Variants in FRMD4A observed in about 807,000 individuals in gnomAD.
FRMD4A encodes the protein FERM domain-containing protein 4A.
In FRMD4A, 29 loss-of-function variants were observed where a neutral mutation model predicts 129.1. The ratio of observed to expected loss-of-function variants is 0.22; its 90% confidence interval spans 0.17 to 0.31. The LOEUF (loss-of-function observed/expected upper bound fraction) is 0.31. FRMD4A is among the 10% of genes least tolerant of loss of function. FRMD4A has a pLI of 1.00. For missense variants in FRMD4A, 1,272 were observed against 1,375.8 expected (o/e 0.92, Z 1.19); for synonymous variants, 634 against 571.6 (o/e 1.11, Z -1.56).
intron 2 of FRMD4A, among the ~76,000 whole-genome samples, chr10:14,298,383 G>C (rs568223001): frequency 1.1e-4 from 17 of 152,188 alleles, no homozygotes; most frequent in Admixed American, 1.1e-3. Flanking sequence ...TTCTCCACTG[G>C]AAGAAAAGCA....
intron 2 of FRMD4A, among the ~76,000 whole-genome samples, chr10:14,064,721 G>T (rs1036100976): frequency 6.6e-6 from 1 of 152,052 alleles, no homozygotes; most frequent in Non-Finnish European, 1.5e-5. Flanking sequence ...GGGACTACAG[G>T]TGCTCACCAT....
chr10:14,002,629 A>T (rs2095646600), intron 2 of FRMD4A, among the ~76,000 whole-genome samples: 1 of 152,202 alleles, frequency 6.6e-6, no homozygotes, highest in South Asian at 2.1e-4. Context: ...CCTGTCCTCA[A>T]GATGCCTGCC....
At chr10:13,882,803 TTGG>T (rs1316682392) in intron 2 of FRMD4A, among the ~76,000 whole-genome samples, 216 of 13,998 alleles carry the variant, frequency 0.015, 1 homozygote, top group South Asian at 0.032. Flanking sequence ...GTATAATTTT[TTGG>T]TTTTTTTTTT....
At chr10:13,688,507 C>T (rs886702988) in intron 15 of FRMD4A, among the ~76,000 whole-genome samples, 1 of 151,900 alleles carries the variant, frequency 6.6e-6, no homozygotes, top group African/African-American at 2.4e-5. Context: ...AACAAACCTG[C>T]ACCTTGTGCA....
chr10:14,087,669 G>T (rs1836370177), intron 2 of FRMD4A: 1 of 152,112 alleles, frequency 6.6e-6, no homozygotes, highest in South Asian at 2.1e-4. Flanking sequence ...ACAAACATCA[G>T]CCCTGACACA....
intron 2 of FRMD4A, among the ~76,000 whole-genome samples, chr10:14,006,870 T>C (rs1377610082): frequency 6.6e-6 from 1 of 152,170 alleles, no homozygotes; most frequent in East Asian, 1.9e-4. Context: ...GTTGATGATC[T>C]TGACATTCAG....
chr10:14,201,691 T>C (rs1842640707), intron 2 of FRMD4A, among the ~76,000 whole-genome samples: 2 of 152,180 alleles, frequency 1.3e-5, no homozygotes. Flanking sequence ...TCAAAATGCC[T>C]CTCTGAGAAG....
At chr10:13,666,064 G>C (rs776914170) in intron 18 of FRMD4A, 33 bp downstream of exon 18, 10 of 1,354,028 alleles carry the variant, frequency 7.4e-6, no homozygotes, top group Admixed American at 1.7e-5. Context: ...CCGGGCGTGG[G>C]AGTGGGGTGG....
At chr10:14,270,260 C>G (rs61836112) in intron 2 of FRMD4A, among the ~76,000 whole-genome samples, 12,143 of 152,296 alleles carry the variant, frequency 0.08, 715 homozygotes, top group Middle Eastern at 0.13. Context: ...TTGAATGAGC[C>G]AATTCCCCTG....
chr10:13,662,750 G>A (rs1196761578), intron 19 of FRMD4A, among the ~76,000 whole-genome samples: 1 of 152,188 alleles, frequency 6.6e-6, no homozygotes, highest in Non-Finnish European at 1.5e-5. Flanking sequence ...ACTGTCTTGG[G>A]AAGCAACAGA....
At chr10:13,843,476 G>T (rs969071318) in intron 3 of FRMD4A, among the ~76,000 whole-genome samples, 2 of 152,158 alleles carry the variant, frequency 1.3e-5, no homozygotes, top group Non-Finnish European at 2.9e-5. Flanking sequence ...GATAAAAAGA[G>T]TCACGATGGG....
chr10:14,205,929 C>T (rs562348237), intron 2 of FRMD4A, among the ~76,000 whole-genome samples: 70 of 152,164 alleles, frequency 4.6e-4, no homozygotes, highest in South Asian at 8.3e-4. Context: ...TCTCAAGGTC[C>T]CCTTCTCGTC....
At chr10:13,825,053 G>A (rs1038155606) in intron 3 of FRMD4A, among the ~76,000 whole-genome samples, 1 of 152,076 alleles carries the variant, frequency 6.6e-6, no homozygotes, top group East Asian at 1.9e-4. Context: ...CTGAAACCAT[G>A]GGTAACACCA....
intron 14 of FRMD4A, among the ~76,000 whole-genome samples, chr10:13,700,070 G>A (rs1288071431): frequency 6.6e-6 from 1 of 151,960 alleles, no homozygotes; most frequent in Non-Finnish European, 1.5e-5. Context: ...ACTGAATTAT[G>A]ACTAAAGGGA....
At chr10:14,228,299 T>C (rs899115356) in intron 2 of FRMD4A, among the ~76,000 whole-genome samples, 4 of 152,258 alleles carry the variant, frequency 2.6e-5, no homozygotes, top group African/African-American at 7.2e-5. Context: ...GCATATACAA[T>C]GACGATATAT....
chr10:13,720,466 A>G (rs967552046), intron 12 of FRMD4A, among the ~76,000 whole-genome samples: 1 of 152,202 alleles, frequency 6.6e-6, no homozygotes, highest in Admixed American at 6.5e-5. Flanking sequence ...GGCAACTTTT[A>G]TCCATTCAAC....
Position 13,810,613 on chromosome 10 carries a change from G to A in FRMD4A, c.206+201C>T, listed in dbSNP as rs550234730. 5.3e-5 allele frequency among the ~76,000 whole-genome samples: 8 copies of A among 152,192 alleles called. No individual in the cohort carries two copies. The East Asian group carries it at 1.5e-3, about 29-fold the overall frequency. On this transcript the variant is annotated intron_variant, in intron 4 of 24. Transcript: ENST00000357447. ...TTTACCTAATAATTTTATAATATTA[G>A]TATCACCCTAATTATATCCTTTGGC...
At chr10:13,725,948 T>C (rs552729765) in intron 12 of FRMD4A, among the ~76,000 whole-genome samples, 11 of 152,304 alleles carry the variant, frequency 7.2e-5, no homozygotes, top group African/African-American at 1.9e-4. Context: ...ACTTCACAGA[T>C]ATAAAAAGAG....
rs574832291 is a variant in FRMD4A, at chr10:14,220,037, A to T, written c.45+110021T>A. Among the ~76,000 whole-genome samples, 22 of 152,298 alleles carry T rather than the reference A, an allele frequency of 1.4e-4. No homozygotes were observed. The South Asian group carries it at 4.6e-3, about 32-fold the overall frequency. On this transcript the variant is annotated intron_variant, in intron 2 of 24. Transcript: ENST00000357447. ...GAAGTGACGAAGCAGTTTTCATGCC[A>T]GGGTGTCTACTGTCCATGACGACCA...
Sources: gnomAD v4.1 joint callset for allele counts (sites outside exome capture counted in the v4.1 genomes callset) on GRCh38, gnomAD v4.1.1 for gene constraint, MANE v1.5 for transcripts, NCBI Gene and HGNC (gene_info 2026-07-23, HGNC 2026-07-21) for gene names.